KIF26B: variants seen among roughly 807,000 people sequenced by gnomAD.
The protein encoded by KIF26B is kinesin-like protein KIF26B.
KIF26B carries 63 observed loss-of-function variants against 151.2 expected under a neutral mutation model. That is an observed-to-expected ratio of 0.42 (90% confidence interval 0.34 to 0.51). The LOEUF (loss-of-function observed/expected upper bound fraction) is 0.51. KIF26B is among the 20% of genes least tolerant of loss of function. KIF26B has a pLI of 0.07. For missense variants in KIF26B, 2,813 were observed against 2,913.6 expected (o/e 0.97, Z 0.79); for synonymous variants, 1,357 against 1,262.1 (o/e 1.08, Z -1.59).
intron 2 of KIF26B, among the ~76,000 whole-genome samples, chr1:245,189,422 A>G (rs1669056098): frequency 6.6e-6 from 1 of 152,254 alleles, no homozygotes; most frequent in African/African-American, 2.4e-5. Context: ...ATAACAAAAC[A>G]GCAAACTGTC....
chr1:245,300,714 A>C (rs922754671), intron 2 of KIF26B, among the ~76,000 whole-genome samples: 14 of 151,224 alleles, frequency 9.3e-5, no homozygotes, highest in African/African-American at 2.7e-4. Context: ...TTTTTAGTAG[A>C]GACGGGGTTT....
At chr1:245,503,950 C>T (rs533783966) in intron 4 of KIF26B, among the ~76,000 whole-genome samples, 15 of 152,284 alleles carry the variant, frequency 9.9e-5, no homozygotes, top group African/African-American at 3.6e-4. Flanking sequence ...AGATTGTTCT[C>T]TCCTGAGTGT....
chr1:245,472,680 T>G (rs1195590184), intron 4 of KIF26B, among the ~76,000 whole-genome samples: 3 of 152,226 alleles, frequency 2.0e-5, no homozygotes, highest in African/African-American at 4.8e-5. Flanking sequence ...CTGCCGTGGT[T>G]GGCCGTCTTT....
intron 2 of KIF26B, among the ~76,000 whole-genome samples, chr1:245,264,990 G>A (rs904549940): frequency 1.2e-4 from 18 of 151,382 alleles, no homozygotes; most frequent in African/African-American, 4.4e-4. Flanking sequence ...ACAAGGTCAG[G>A]AGATCGAGAC....
chr1:245,280,537 A>AAAAAAAAAAAAAG (rs752454576), intron 2 of KIF26B, among the ~76,000 whole-genome samples: 3,775 of 123,444 alleles, frequency 0.031, 148 homozygotes, highest in African/African-American at 0.041. Flanking sequence ...TCTCAAAAAA[A>AAAAAAAAAAAAAG]AAAAGAAAAG....
chr1:245,528,597 T>C (rs1661293882), intron 4 of KIF26B, among the ~76,000 whole-genome samples: 1 of 152,236 alleles, frequency 6.6e-6, no homozygotes, highest in Admixed American at 6.5e-5. Flanking sequence ...GAAGCAGCTC[T>C]AAGCTATGGA....
chr1:245,550,340 C>G (rs1661849441), intron 5 of KIF26B, among the ~76,000 whole-genome samples: 1 of 152,218 alleles, frequency 6.6e-6, no homozygotes, highest in African/African-American at 2.4e-5. Context: ...CCAATGCTAG[C>G]TTCTTCAGTT....
rs1668401608 is a variant in KIF26B at position 245,155,072 on chromosome 1, T to C, written c.-353T>C. On this transcript the variant is annotated 5_prime_UTR_variant, in exon 1 of 15. Transcript: ENST00000407071. ...TCCCGGCAGCGGCCGCGAGCCCTGA[T>C]TGTATCCCTCGCTTTCCTCGTGGGG... The C allele has an allele frequency of 4.2e-6, 2 of 473,582 alleles. No homozygotes were observed. Among genetic ancestry groups the C allele is most frequent in the African/African-American group, 2.0e-5 (1 of 49,188 alleles). The allele number at this position is 473,582 out of a possible 1,614,324, so 29.3% of individuals were successfully genotyped here. A position where few individuals can be genotyped will look rare whatever the true frequency, so the allele number is the denominator to read the frequency against.
chr1:245,682,200 G>A (rs573214763), intron 10 of KIF26B, among the ~76,000 whole-genome samples: 6 of 152,310 alleles, frequency 3.9e-5, no homozygotes, highest in African/African-American at 7.2e-5. Context: ...AGCCGAGATC[G>A]TGCCGTTGCA....
chr1:245,580,033 C>T (rs1325693013), intron 5 of KIF26B, among the ~76,000 whole-genome samples: 3 of 152,064 alleles, frequency 2.0e-5, no homozygotes, highest in African/African-American at 7.2e-5. Flanking sequence ...TACCTCTGCC[C>T]ACTCCCCTCT....
intron 2 of KIF26B, among the ~76,000 whole-genome samples, chr1:245,197,164 C>T (rs66673003): frequency 0.22 from 32,880 of 152,118 alleles, 4,663 homozygotes; most frequent in East Asian, 0.64. Flanking sequence ...AACAACCTTC[C>T]ACACTCAAGA....
At chr1:245,270,296 C>T (rs1355587358) in intron 2 of KIF26B, among the ~76,000 whole-genome samples, 2 of 54,050 alleles carry the variant, frequency 3.7e-5, no homozygotes, top group Admixed American at 4.0e-4. Context: ...CTTCCCTTCC[C>T]TTCCATCTTC....
intron 5 of KIF26B, among the ~76,000 whole-genome samples, chr1:245,600,636 C>T (rs919490194): frequency 3.3e-5 from 5 of 151,800 alleles, no homozygotes; most frequent in African/African-American, 1.2e-4. Context: ...CTTGCCTCCT[C>T]CTGGATCATG....
chr1:245,285,588 A>G (rs550405747), intron 2 of KIF26B, among the ~76,000 whole-genome samples: 52 of 147,376 alleles, frequency 3.5e-4, no homozygotes, highest in Non-Finnish European at 7.1e-4. Context: ...GTTCATCTCT[A>G]CTCCTGAAGT....
intron 2 of KIF26B, among the ~76,000 whole-genome samples, chr1:245,215,836 G>GTGCC (rs1399781176): frequency 1.3e-5 from 2 of 152,152 alleles, no homozygotes; most frequent in Non-Finnish European, 2.9e-5. Context: ...ATTTGAAAAT[G>GTGCC]TGCCCCTATA....
At chr1:245,569,861 CTT>C (rs59682583) in intron 5 of KIF26B, among the ~76,000 whole-genome samples, 67,397 of 116,716 alleles carry the variant, frequency 0.58, 20,101 homozygotes, top group East Asian at 0.82. Context: ...TTTGGGCCTT[CTT>C]TTTTTTTTTT....
At chr1:245,304,900 T>A (rs1175385599) in intron 2 of KIF26B, among the ~76,000 whole-genome samples, 1 of 152,022 alleles carries the variant, frequency 6.6e-6, no homozygotes, top group Non-Finnish European at 1.5e-5. Flanking sequence ...ATGAGAGGTC[T>A]CAGTGCAGAA....
At chr1:245,425,027 T>C (rs1488441169) in intron 4 of KIF26B, among the ~76,000 whole-genome samples, 1 of 151,844 alleles carries the variant, frequency 6.6e-6, no homozygotes, top group African/African-American at 2.4e-5. Flanking sequence ...TTAACTATTA[T>C]GTGCTGGCTT....
intron 5 of KIF26B, among the ~76,000 whole-genome samples, chr1:245,593,642 G>C (rs2043312226): frequency 6.6e-6 from 1 of 152,174 alleles, no homozygotes; most frequent in Admixed American, 6.5e-5. Context: ...ACGTGTGCAT[G>C]TGTCTTTATA....
Sources: allele counts gnomAD v4.1 joint callset (sites outside exome capture counted in the v4.1 genomes callset), GRCh38; gene constraint gnomAD v4.1.1; transcripts MANE v1.5; gene names NCBI Gene and HGNC (gene_info 2026-07-23, HGNC 2026-07-21).